The following AMER3 variants were observed in gnomAD, a reference collection of about 807,000 sequenced individuals.
AMER3 encodes APC membrane recruitment protein 3.
For missense variants in AMER3, 1,201 were observed against 1,139.4 expected, an observed-to-expected ratio of 1.05 and a Z score of -0.78; for synonymous variants, 541 against 485.5, an observed-to-expected ratio of 1.11 and a Z score of -1.50.
At chr2:130,759,105 A>G (rs886676079) in intron 1 of AMER3, among the ~76,000 whole-genome samples, 2 of 152,238 alleles carry the variant, frequency 1.3e-5, no homozygotes, top group African/African-American at 4.8e-5. Context: ...GACCGAACAC[A>G]GACTAGAGTT....
At chr2:130,757,411 C>G (rs1678644717) in intron 1 of AMER3, among the ~76,000 whole-genome samples, 1 of 151,818 alleles carries the variant, frequency 6.6e-6, no homozygotes, top group Non-Finnish European at 1.5e-5. Flanking sequence ...CCATTTTCAC[C>G]TGCATCTTTG....
rs1319446320 is a variant in AMER3, at chr2:130,763,476, G to C, written c.1404G>C (p.Glu468Asp). The C allele has an allele frequency of 5.0e-6, 8 of 1,612,448 alleles. No homozygotes were observed. The highest frequency in any genetic ancestry group is 1.3e-5 in the African/African-American group (1 of 74,904). Residue 468 changes from glutamate to aspartate, a missense_variant, in exon 2 of 2, where the codon GAG (glutamate) becomes GAC (aspartate). Physicochemically the swap from Glu to Asp is conservative, Grantham distance 45. Transcript: ENST00000321420. ...GCAGCTTCCGAGTGGGGGCCGAGGAGAACTTGGCCCCAGCACCAGGCCCTG... is the reference window on the plus strand; with the variant it reads ...GCAGCTTCCGAGTGGGGGCCGAGGACAACTTGGCCCCAGCACCAGGCCCTG... Reference protein sequence around the residue: ...SICSFRVGAEENLAPAPGPDL... With the variant: ...SICSFRVGAEDNLAPAPGPDL...
At chr2:130,756,785 A>AGATTCTAT (rs1333321357) in intron 1 of AMER3, among the ~76,000 whole-genome samples, 1 of 151,940 alleles carries the variant, frequency 6.6e-6, no homozygotes, top group Non-Finnish European at 1.5e-5. Context: ...CTCTCACCGC[A>AGATTCTAT]GATTCTATTT....
chr2:130,767,404 C>T lies in AMER3; in HGVS notation c.*2746C>T, dbSNP rs573795589. ...CATGCAGAGCTCCCACCAAGAGGAG[C>T]GTGAGTTGTGCTGTCCTGGCTCGAG... On this transcript the variant is annotated 3_prime_UTR_variant, in exon 2 of 2. Transcript: ENST00000321420. 1.2e-5 allele frequency: 2 copies of T among 167,040 alleles called. No individual in the cohort carries two copies. The highest frequency in any genetic ancestry group is 6.5e-5 in the Admixed American group (1 of 15,286). The allele number at this position is 167,040 out of a possible 1,614,324, so 10.3% of individuals were successfully genotyped here.
At position 130,762,239 on chromosome 2, in the gene AMER3, G is replaced by A; in HGVS notation, c.167G>A (p.Ser56Asn). ...RPHSEKGPQA[S>N]PSAQEYDRCP... is the part of the protein sequence containing the mutation. ...CACAGTGAGAAGGGCCCCCAAGCCA[G>A]CCCCAGTGCCCAAGAATACGACAGA... Residue 56 changes from serine (S) to asparagine (N), a missense_variant, in exon 2 of 2, where the codon AGC (serine) becomes AAC (asparagine). Transcript: ENST00000321420. 6.3e-7 allele frequency: 1 copy of A among 1,577,668 alleles called. No individual in the cohort carries two copies. Among genetic ancestry groups the A allele is most frequent in the Non-Finnish European group, 8.6e-7 (1 of 1,162,514 alleles).
In AMER3 at chr2:130,762,444, G is replaced by T; in HGVS notation, c.372G>T (p.Arg124=). The change falls in exon 2 of 2, where the codon CGG becomes CGT. Residue 124 remains arginine (R), a synonymous_variant. Transcript: ENST00000321420. ...GCTTCCCGGGCTCCCCGGGCAGCCG[G>T]CGCATGATCGACTACCGCCACTTTG... ...SASFPGSPGS[R]RMIDYRHFVP... 6.2e-7 allele frequency: 1 copy of T among 1,612,944 alleles called. No individual in the cohort carries two copies. The highest frequency in any genetic ancestry group is 1.1e-5 in the South Asian group (1 of 91,084).
In AMER3 at chr2:130,763,319, G is replaced by C. The variant is rs1226711195; in HGVS notation, c.1247G>C (p.Ser416Thr). The C allele has an allele frequency of 6.2e-7, 1 of 1,613,648 alleles. No homozygotes were observed. The highest frequency in any genetic ancestry group is 8.5e-7 in the Non-Finnish European group (1 of 1,180,040). Reference sequence around the variant, plus strand: ...CCTGCCGCCACCTTCCCACGGGACAGCTACAGTGGGGACGCCCTCTACGAG... The same window carrying C: ...CCTGCCGCCACCTTCCCACGGGACACCTACAGTGGGGACGCCCTCTACGAG... ...GTPAATFPRD[S>T]YSGDALYELF... is the part of the protein sequence containing the mutation. The change falls in exon 2 of 2, where the codon AGC (serine) becomes ACC (threonine). Residue 416 changes from serine to threonine, a missense_variant. Ser to Thr is a moderately conservative substitution (Grantham distance 58). Transcript: ENST00000321420.
At chr2:130,755,764 A>T (rs1678582723) in intron 1 of AMER3, 90 bp downstream of exon 1, 1 of 152,368 alleles carries the variant, frequency 6.6e-6, no homozygotes, top group Admixed American at 6.5e-5. Flanking sequence ...TTGCAGCCCC[A>T]GCCTGGCCTG....
chr2:130,758,370 G>A (rs1574039198), intron 1 of AMER3, among the ~76,000 whole-genome samples: 1 of 148,598 alleles, frequency 6.7e-6, no homozygotes, highest in African/African-American at 2.5e-5. Context: ...AAGAAGGAAA[G>A]AAGGAAAGAG....
rs762042767 is a variant in AMER3 at position 130,762,540 on chromosome 2, C to T, written c.468C>T (p.Pro156=). The T allele has an allele frequency of 5.0e-6, 8 of 1,613,362 alleles. No homozygotes were observed. Among genetic ancestry groups the T allele is most frequent in the Non-Finnish European group, 5.9e-6 (7 of 1,180,004 alleles). ...IPRKRISLKR[P]KKCFRNLFHI... ...GGAAGAGGATTTCCCTGAAGAGGCCCAAGAAGTGCTTTCGGAACCTATTCC... is the reference window on the plus strand; with the variant it reads ...GGAAGAGGATTTCCCTGAAGAGGCCTAAGAAGTGCTTTCGGAACCTATTCC... Residue 156 remains proline, a synonymous_variant, in exon 2 of 2, where the codon CCC becomes CCT. Transcript: ENST00000321420.
At chr2:130,758,391 AAAGG>A (rs1313220525) in intron 1 of AMER3, among the ~76,000 whole-genome samples, 4 of 149,376 alleles carry the variant, frequency 2.7e-5, no homozygotes, top group African/African-American at 7.5e-5. Context: ...AGAGAGAGAG[AAAGG>A]AAAGGAAGGA....
Position 130,761,991 on chromosome 2 carries a change from G to A in AMER3, c.-19-63G>A, listed in dbSNP as rs1410376681. 4 of 1,453,236 alleles carry A rather than the reference G, an allele frequency of 2.8e-6. No homozygotes were observed. In the African/African-American group the frequency reaches 5.6e-5, roughly 20 times the overall value. The allele number at this position is 1,453,236 out of a possible 1,614,324, so 90.0% of individuals were successfully genotyped here. A position where few individuals can be genotyped will look rare whatever the true frequency, so the allele number is the denominator to read the frequency against. On this transcript the variant is annotated intron_variant, in intron 1 of 1. Coordinates refer to ENST00000321420, the MANE Select transcript of AMER3 (RefSeq NM_152698.3). ...TGAGCTGTGTGAGAGGGGTAGGCAG[G>A]GTCTTCCAGAGCCCAGGGCCCTCCC...
In AMER3 at chr2:130,764,467, C is replaced by G. The variant is rs1459026677; in HGVS notation, c.2395C>G (p.Pro799Ala). ...GCTGGACTCTGAGCCCCGCTCAGCC[C>G]CTGCTGCCCGGTGGAGTTCCCAGGG... ...SQLDSEPRSA[P>A]AARWSSQGHH... Residue 799 changes from proline to alanine, a missense_variant, in exon 2 of 2, where the codon CCT becomes GCT. By Grantham distance (27) the Pro-to-Ala change is conservative. Transcript: ENST00000321420. 1 of 1,599,364 alleles carries G rather than the reference C, an allele frequency of 6.3e-7. No individual in the cohort carries two copies.
Position 130,764,386 on chromosome 2 carries a change from G to C in AMER3, c.2314G>C (p.Asp772His), listed in dbSNP as rs748069549. 7 of 1,612,768 alleles carry C rather than the reference G, an allele frequency of 4.3e-6. No individual in the cohort carries two copies. The South Asian group carries it at 7.7e-5, about 18-fold the overall frequency. ...TGTCCAGGCCTGGGCCTCTGTGGAG[G>C]ACCAGCCCTTGCAGCTCAGCACAGA... ...LGVQAWASVE[D>H]QPLQLSTEAV... Residue 772 changes from aspartate to histidine, a missense_variant, in exon 2 of 2, where the codon GAC becomes CAC. Asp to His is a moderately conservative substitution (Grantham distance 81). Coordinates refer to ENST00000321420, the MANE Select transcript of AMER3 (RefSeq NM_152698.3).
At chr2:130,756,117 CCA>C (rs1553490126) in intron 1 of AMER3, among the ~76,000 whole-genome samples, 2 of 149,538 alleles carry the variant, frequency 1.3e-5, no homozygotes, top group Non-Finnish European at 3.0e-5. Flanking sequence ...GGAGCAGCCC[CCA>C]CCGCGGCCGG....
chr2:130,762,182 G>C lies in AMER3; in HGVS notation c.110G>C (p.Trp37Ser). ...GCAGCCAGGGAGGGGACAGGCCCCT[G>C]GTCAGTCCTTCCAGGAGGGCAACAG... ...VAAAREGTGP[W>S]SVLPGGQQRP... The change falls in exon 2 of 2, where the codon TGG (tryptophan) becomes TCG (serine). Residue 37 changes from tryptophan (W) to serine (S), a missense_variant. Coordinates refer to ENST00000321420, the MANE Select transcript of AMER3 (RefSeq NM_152698.3). The C allele has an allele frequency of 1.9e-6, 3 of 1,598,716 alleles. No homozygotes were observed. Among genetic ancestry groups the C allele is most frequent in the Non-Finnish European group, 2.6e-6 (3 of 1,172,846 alleles).
chr2:130,755,869 TG>T (rs561795317), intron 1 of AMER3, 195 bp downstream of exon 1: 1 of 152,172 alleles, frequency 6.6e-6, no homozygotes, highest in South Asian at 2.1e-4. Context: ...TCGGCAGGGC[TG>T]GGCTGGCTCT....
In AMER3 at chr2:130,762,573, G is replaced by C. The variant is rs1678820638; in HGVS notation, c.501G>C (p.Arg167=). 2.5e-6 allele frequency: 4 copies of C among 1,613,340 alleles called. No individual in the cohort carries two copies. The East Asian group carries it at 8.9e-5, about 36-fold the overall frequency. Residue 167 remains arginine, a synonymous_variant, in exon 2 of 2, where the codon CGG becomes CGC. Coordinates refer to ENST00000321420, the MANE Select transcript of AMER3 (RefSeq NM_152698.3). ...GCTTTCGGAACCTATTCCACATTCG[G>C]AGAAACAAGACTGAGGACTTGGCCT... ...KKCFRNLFHI[R]RNKTEDLASL...
At position 130,755,612 on chromosome 2, in the gene AMER3, C is replaced by G. The variant is rs947465070; in HGVS notation, c.-82C>G. On this transcript the variant is annotated 5_prime_UTR_variant, in exon 1 of 2. Transcript: ENST00000321420. ...CCTCAGTTCTGCGGAGACAGAGTCC[C>G]CACAGCATTTCTGCTCCTCCCTCAA... is the stretch of plus-strand genomic sequence containing the variant. 1.3e-5 allele frequency: 2 copies of G among 152,932 alleles called. No individual in the cohort carries two copies. Among genetic ancestry groups the G allele is most frequent in the Non-Finnish European group, 2.9e-5 (2 of 68,526 alleles). The allele number at this position is 152,932 out of a possible 1,614,324, so 9.5% of individuals were successfully genotyped here.
Sources: allele counts gnomAD v4.1 joint callset (sites outside exome capture counted in the v4.1 genomes callset), GRCh38; gene constraint gnomAD v4.1.1; transcripts MANE v1.5; gene names NCBI Gene and HGNC (gene_info 2026-07-23, HGNC 2026-07-21).